The following SEMA3A variants were observed in gnomAD, a reference collection of about 807,000 sequenced individuals.
The protein encoded by SEMA3A is semaphorin-3A.
In SEMA3A, 29 loss-of-function variants were observed where a neutral mutation model predicts 97.9. The observed-to-expected ratio is 0.30, with a 90% confidence interval of 0.22 to 0.40. SEMA3A has a LOEUF of 0.40. SEMA3A is among the 10% of genes least tolerant of loss of function. SEMA3A has a pLI of 1.00. For synonymous variants in SEMA3A, 321 were observed against 323.7 expected, an observed-to-expected ratio of 0.99 and a Z score of 0.09; for missense variants, 763 against 951.3, an observed-to-expected ratio of 0.80 and a Z score of 2.60.
rs1311488947 is a variant in SEMA3A at position 84,136,675 on chromosome 7, A to G, written c.113-1724T>C. Among the ~76,000 whole-genome samples the G allele has an allele frequency of 3.9e-5, 6 of 152,286 alleles. No homozygotes were observed. The East Asian group carries it at 9.7e-4, about 25-fold the overall frequency. On this transcript the variant is annotated intron_variant, in intron 1 of 16. Coordinates refer to ENST00000265362, the MANE Select transcript of SEMA3A (RefSeq NM_006080.3). Reference sequence around the variant, plus strand: ...ATTGCAATCTTATCTACCAGAATGAACATTCCCTGCGGAAATATATAATTA... The same window carrying G: ...ATTGCAATCTTATCTACCAGAATGAGCATTCCCTGCGGAAATATATAATTA...
rs141630648 is a variant in SEMA3A, at chr7:84,413,277, T to A, written c.-245-41377A>T. Among the ~76,000 whole-genome samples the A allele has an allele frequency of 1.9e-3, 285 of 152,152 alleles. 1 individual carries two copies. Among genetic ancestry groups the A allele is most frequent in the African/African-American group, 6.7e-3 (277 of 41,520 alleles). ...CAATGAAAGTCACATTCTTAAAGAT[T>A]TTATAGGGTCCATTTTAAATCAATA... On this transcript the variant is annotated intron_variant, in intron 1 of 3. Coordinates refer to the SEMA3A transcript ENST00000424555.
intron 2 of SEMA3A, among the ~76,000 whole-genome samples, chr7:84,363,231 G>A (rs1284147042): frequency 6.6e-6 from 1 of 151,880 alleles, no homozygotes; most frequent in Non-Finnish European, 1.5e-5. Context: ...CAGCTATTCT[G>A]GACCTAATTC....
intron 1 of SEMA3A, among the ~76,000 whole-genome samples, chr7:84,167,163 C>T (rs1214991983): frequency 6.6e-6 from 1 of 152,042 alleles, no homozygotes; most frequent in Non-Finnish European, 1.5e-5. Flanking sequence ...GGGACCTAAT[C>T]AGGATTTCAG....
intron 4 of SEMA3A, among the ~76,000 whole-genome samples, chr7:84,086,739 T>C (rs1794390622): frequency 6.7e-6 from 1 of 149,996 alleles, no homozygotes; most frequent in Admixed American, 6.7e-5. Flanking sequence ...TGTGTGTATA[T>C]ATATATTTTT....
intron 4 of SEMA3A, among the ~76,000 whole-genome samples, chr7:84,063,899 G>A (rs918655932): frequency 3.3e-5 from 5 of 150,632 alleles, no homozygotes; most frequent in Non-Finnish European, 5.9e-5. Flanking sequence ...CCAACATTGA[G>A]ATTCAGGAAA....
intron 1 of SEMA3A, among the ~76,000 whole-genome samples, chr7:84,151,417 C>G (rs1254051692): frequency 6.6e-6 from 1 of 151,584 alleles, no homozygotes; most frequent in African/African-American, 2.4e-5. Context: ...AGCTGAAAAC[C>G]AAGGCTCGAG....
intron 6 of SEMA3A, among the ~76,000 whole-genome samples, chr7:84,021,440 C>T (rs1004616195): frequency 3.3e-5 from 5 of 152,136 alleles, no homozygotes; most frequent in Non-Finnish European, 7.3e-5. Flanking sequence ...TTTAATCTTT[C>T]CCACTGCAAC....
intron 3 of SEMA3A, among the ~76,000 whole-genome samples, chr7:84,126,495 C>T (rs1287646241): frequency 6.6e-6 from 1 of 152,110 alleles, no homozygotes; most frequent in Non-Finnish European, 1.5e-5. Context: ...CATGGGCTAC[C>T]GCGCCCGGAT....
intron 4 of SEMA3A, among the ~76,000 whole-genome samples, chr7:84,067,602 A>T (rs1244173947): frequency 2.0e-5 from 3 of 152,334 alleles, no homozygotes; most frequent in South Asian, 4.1e-4. Flanking sequence ...CCCATCAAAA[A>T]GTTGGCGAAG....
chr7:84,255,940 A>G (rs1445935049), intron 3 of SEMA3A, among the ~76,000 whole-genome samples: 1 of 150,080 alleles, frequency 6.7e-6, no homozygotes, highest in African/African-American at 2.5e-5. Context: ...TTGAATATCT[A>G]GAGATTTATA....
At chr7:84,185,587 A>T (rs1416969550) in intron 1 of SEMA3A, among the ~76,000 whole-genome samples, 1 of 150,698 alleles carries the variant, frequency 6.6e-6, no homozygotes, top group Non-Finnish European at 1.5e-5. Flanking sequence ...GCTACTCAGG[A>T]GTCTGAGGCA....
intron 3 of SEMA3A, among the ~76,000 whole-genome samples, chr7:84,244,425 G>A (rs1230149581): frequency 4.6e-5 from 7 of 151,958 alleles, no homozygotes; most frequent in Admixed American, 2.0e-4. Context: ...TGCTGTTTTT[G>A]CTTTCCATTT....
chr7:84,111,058 A>G (rs1795264004), intron 3 of SEMA3A, among the ~76,000 whole-genome samples: 1 of 152,216 alleles, frequency 6.6e-6, no homozygotes. Context: ...TCTAATAAAC[A>G]TAAAGTTTAA....
chr7:84,049,452 C>G (rs1160389174), intron 5 of SEMA3A, among the ~76,000 whole-genome samples: 1 of 152,100 alleles, frequency 6.6e-6, no homozygotes, highest in African/African-American at 2.4e-5. Flanking sequence ...GTAGTATATT[C>G]TACCTTCTCT....
At chr7:84,404,497 C>T (rs1178485728) in intron 1 of SEMA3A, among the ~76,000 whole-genome samples, 1 of 152,122 alleles carries the variant, frequency 6.6e-6, no homozygotes, top group Non-Finnish European at 1.5e-5. Context: ...AGAACTTCCC[C>T]AATCTAGCAA....
intron 1 of SEMA3A, among the ~76,000 whole-genome samples, chr7:84,424,777 T>A (rs1804731308): frequency 9.9e-6 from 1 of 101,190 alleles, no homozygotes; most frequent in Non-Finnish European, 1.7e-5. Context: ...TATAAATATA[T>A]AATATTTATA....
chr7:84,030,225 A>G (rs1791692627), intron 6 of SEMA3A, among the ~76,000 whole-genome samples: 2 of 152,164 alleles, frequency 1.3e-5, no homozygotes, highest in Non-Finnish European at 2.9e-5. Context: ...CAAGTAATTT[A>G]TATGATTTTA....
chr7:84,197,787 T>C (rs947302748), upstream of SEMA3A, among the ~76,000 whole-genome samples: 2 of 136,276 alleles, frequency 1.5e-5, no homozygotes, highest in South Asian at 4.9e-4. Context: ...TCCCCCAGGC[T>C]GGAGTGCAGT....
At chr7:84,406,258 A>T (rs1804083816) in intron 1 of SEMA3A, among the ~76,000 whole-genome samples, 1 of 152,192 alleles carries the variant, frequency 6.6e-6, no homozygotes, top group Non-Finnish European at 1.5e-5. Flanking sequence ...CCATCAGAGA[A>T]TACTATAAAC....
Sources: allele counts gnomAD v4.1 joint callset (sites outside exome capture counted in the v4.1 genomes callset), GRCh38; gene constraint gnomAD v4.1.1; transcripts MANE v1.5; gene names NCBI Gene and HGNC (gene_info 2026-07-23, HGNC 2026-07-21).